Variants in GNRH2 observed in about 807,000 individuals in gnomAD.
GNRH2 encodes progonadoliberin-2.
Under a neutral mutation model 12.1 loss-of-function variants are expected in GNRH2, and 15 were observed. The observed-to-expected ratio is 1.24, with a 90% CI of 0.83 to 1.90. GNRH2 has a LOEUF of 1.90. GNRH2 is among the 40% of genes most tolerant of loss of function. The pLI is 0.00. For missense variants in GNRH2, 143 were observed against 141.4 expected (o/e 1.01, Z -0.06); for synonymous variants, 60 against 62.0 (o/e 0.97, Z 0.15).
In GNRH2 at chr20:3,045,698, G is replaced by A. The variant is rs762613660; in HGVS notation, c.304G>A (p.Glu102Lys). The change falls in exon 4 of 4, where the codon GAG becomes AAG. Residue 102 changes from glutamate (E) to lysine (K), a missense_variant. Coordinates refer to ENST00000359100, the MANE Select transcript of GNRH2 (RefSeq NM_178331.2). ...TCTCCCTCCGCAGACCGCAGCCCGA[G>A]AGCCCCGCCCCGCCCCGCCATCCTC... ...LARTLLTAAR[E>K]PRPAPPSSNK... is the part of the protein sequence containing the mutation. The A allele has an allele frequency of 1.5e-5, 24 of 1,563,228 alleles. No individual in the cohort carries two copies. The highest frequency in any genetic ancestry group is 1.7e-4 in the Middle Eastern group (1 of 5,916).
rs2065964815 is a variant in GNRH2 at position 3,044,457 on chromosome 20, A to T, written c.43A>T (p.Thr15Ser). 1.2e-6 allele frequency: 2 copies of T among 1,613,546 alleles called. No individual in the cohort carries two copies. Among genetic ancestry groups the T allele is most frequent in the Non-Finnish European group, 1.7e-6 (2 of 1,179,742 alleles). The part of the protein sequence containing the change: ...RRGLLLLLLL[T>S]AHLGPSEAQH... ...AGGCCTCCTGCTCCTGCTGCTGCTG[A>T]CTGCCCACCTTGGACCCTCAGAGGC... is the stretch of plus-strand genomic sequence containing the variant. The change falls in exon 2 of 4, where the codon ACT (threonine) becomes TCT (serine). Residue 15 changes from threonine to serine, a missense_variant. By Grantham distance (58) the Thr-to-Ser change is moderately conservative. Coordinates refer to ENST00000359100, the MANE Select transcript of GNRH2 (RefSeq NM_178331.2).
At chr20:3,044,355 G>T in intron 1 of GNRH2, 53 bp from the exon 2 acceptor site, 1 of 1,484,274 alleles carries the variant, frequency 6.7e-7, no homozygotes, top group South Asian at 1.1e-5. Context: ...GGAGGAAGTA[G>T]GGGGATGTGG....
chr20:3,044,441 G>C lies in GNRH2; in HGVS notation c.27G>C (p.Leu9=). 1 of 1,613,628 alleles carries C rather than the reference G, an allele frequency of 6.2e-7. No individual in the cohort carries two copies. The highest frequency in any genetic ancestry group is 8.5e-7 in the Non-Finnish European group (1 of 1,179,808). The change falls in exon 2 of 4, where the codon CTG becomes CTC. Residue 9 remains leucine, a synonymous_variant. Coordinates refer to ENST00000359100, the MANE Select transcript of GNRH2 (RefSeq NM_178331.2). Reference sequence around the variant, plus strand: ...TGGCCAGCTCCAGGCGAGGCCTCCTGCTCCTGCTGCTGCTGACTGCCCACC... The same window carrying C: ...TGGCCAGCTCCAGGCGAGGCCTCCTCCTCCTGCTGCTGCTGACTGCCCACC... MASSRRGL[L]LLLLLTAHLG... is the part of the protein sequence containing the mutation.
chr20:3,044,312 G>T (rs1243991401), intron 1 of GNRH2, 96 bp from the exon 2 acceptor site: 5 of 931,780 alleles, frequency 5.4e-6, no homozygotes, highest in Non-Finnish European at 8.6e-6. Flanking sequence ...TACCAAAGCT[G>T]CCCCTGAGAT....
At position 3,044,269 on chromosome 20, in the gene GNRH2, G is replaced by T. The variant is rs1213938165; in HGVS notation, c.-7-139G>T. On this transcript the variant is annotated intron_variant, in intron 1 of 3. Transcript: ENST00000359100. ...TGGACCCCTGTATGCTTGGGATGAG[G>T]AGCGGTGGCAGAGAGGGAAGGGCAT... The T allele has an allele frequency of 2.7e-5, 18 of 658,724 alleles. No homozygotes were observed. In the East Asian group the frequency reaches 4.4e-4, roughly 16 times the overall value. The allele number at this position is 658,724 out of a possible 1,614,324, so 40.8% of individuals were successfully genotyped here. A position where few individuals can be genotyped will look rare whatever the true frequency, so the allele number is the denominator to read the frequency against.
chr20:3,045,567 T>TG, intron 3 of GNRH2, 119 bp from the exon 4 acceptor site: 1 of 802,956 alleles, frequency 1.2e-6, no homozygotes, highest in Non-Finnish European at 2.1e-6. Context: ...GGGGGCGTCC[T>TG]GCTGTGGGAG....
chr20:3,044,220 G>A (rs2065961489), intron 1 of GNRH2, 188 bp from the exon 2 acceptor site: 2 of 571,136 alleles, frequency 3.5e-6, no homozygotes, highest in South Asian at 2.3e-5. Flanking sequence ...ATCATCCCCT[G>A]CTGGGCCAGG....
chr20:3,044,850 G>A lies in GNRH2; in HGVS notation c.291+14G>A, dbSNP rs777489330. ...CGGACACTGCTGGTGAGTAGGGTGA[G>A]AGGTCCCCAGCATCAAGACCAGCCA... On this transcript the variant is annotated intron_variant, in intron 3 of 3. Transcript: ENST00000359100. 3.8e-6 allele frequency: 6 copies of A among 1,591,072 alleles called. No individual in the cohort carries two copies. In the Admixed American group the frequency reaches 1.0e-4, roughly 27 times the overall value.
At chr20:3,043,699 C>T (rs918491415) in intron 1 of GNRH2, 34 bp downstream of exon 1, 4 of 152,482 alleles carry the variant, frequency 2.6e-5, no homozygotes, top group Non-Finnish European at 5.9e-5. Context: ...GGCTAGGACA[C>T]CTGGACCAAG....
At chr20:3,044,952 C>A in intron 3 of GNRH2, 116 bp downstream of exon 3, 1 of 761,538 alleles carries the variant, frequency 1.3e-6, no homozygotes, top group South Asian at 1.7e-5. Flanking sequence ...TGAGATGCCC[C>A]CTGCCACAGC....
rs1166304425 is a variant in GNRH2, at chr20:3,044,795, T to C, written c.250T>C (p.Trp84Arg). 1 of 1,612,464 alleles carries C rather than the reference T, an allele frequency of 6.2e-7. No homozygotes were observed. Among genetic ancestry groups the C allele is most frequent in the Non-Finnish European group, 8.5e-7 (1 of 1,179,314 alleles). The change falls in exon 3 of 4, where the codon TGG (tryptophan) becomes CGG (arginine). Residue 84 changes from tryptophan (W) to arginine (R), a missense_variant. Physicochemically the swap from Trp to Arg is moderately radical, Grantham distance 101. Coordinates refer to ENST00000359100, the MANE Select transcript of GNRH2 (RefSeq NM_178331.2). ...MPWEGRTTAQ[W>R]SLHRKRHLAR... Reference sequence around the variant, plus strand: ...CTGGGAGGGCAGGACCACGGCCCAGTGGTCCCTTCACAGGAAGCGACACCT... The same window carrying C: ...CTGGGAGGGCAGGACCACGGCCCAGCGGTCCCTTCACAGGAAGCGACACCT...
chr20:3,044,935 ACAC>A, intron 3 of GNRH2, 99 bp downstream of exon 3: 1 of 950,308 alleles, frequency 1.1e-6, no homozygotes. Flanking sequence ...GGAGAATGAA[ACAC>A]CACTGAGATG....
At chr20:3,045,441 G>T (rs901534148) in intron 3 of GNRH2, among the ~76,000 whole-genome samples, 3 of 152,198 alleles carry the variant, frequency 2.0e-5, no homozygotes, top group Non-Finnish European at 4.4e-5. Flanking sequence ...CGCCTGATTT[G>T]TGTGTATGTG....
intron 3 of GNRH2, among the ~76,000 whole-genome samples, chr20:3,045,107 T>TTA (rs1186858708): frequency 6.6e-6 from 1 of 152,178 alleles, no homozygotes; most frequent in African/African-American, 2.4e-5. Context: ...GAGATAATTG[T>TTA]TCTATAAGAC....
At chr20:3,044,189 AGAAG>A in intron 1 of GNRH2, 1 of 534,720 alleles carries the variant, frequency 1.9e-6, no homozygotes, top group Non-Finnish European at 3.4e-6. Context: ...AGGCTCAGGG[AGAAG>A]GCTCGTCCCC....
chr20:3,044,861 C>T (rs1294592675), intron 3 of GNRH2, 25 bp downstream of exon 3: 1 of 1,579,358 alleles, frequency 6.3e-7, no homozygotes, highest in Non-Finnish European at 8.7e-7. Flanking sequence ...AGGTCCCCAG[C>T]ATCAAGACCA....
intron 3 of GNRH2, 71 bp from the exon 4 acceptor site, chr20:3,045,615 C>A: frequency 7.5e-7 from 1 of 1,327,620 alleles, no homozygotes; most frequent in Non-Finnish European, 1.1e-6. Flanking sequence ...GGGGAGAGAA[C>A]CAGGAAGATG....
chr20:3,045,685 G>C lies in GNRH2; in HGVS notation c.292-1G>C. On this transcript the variant is annotated splice_acceptor_variant, in intron 3 of 3. Coordinates refer to ENST00000359100, the MANE Select transcript of GNRH2 (RefSeq NM_178331.2). LOFTEE classifies it high-confidence loss of function. Reference sequence around the variant, plus strand: ...CATGACCGCCACCTCTCCCTCCGCAGACCGCAGCCCGAGAGCCCCGCCCCG... The same window carrying C: ...CATGACCGCCACCTCTCCCTCCGCACACCGCAGCCCGAGAGCCCCGCCCCG... The C allele has an allele frequency of 3.1e-6, 5 of 1,610,634 alleles. No homozygotes were observed. Among genetic ancestry groups the C allele is most frequent in the Non-Finnish European group, 4.2e-6 (5 of 1,177,960 alleles).
chr20:3,045,718 AT>A lies in GNRH2; in HGVS notation c.325del (p.Ser109ProfsTer?). The stretch of plus-strand genomic sequence containing the variant: ...CCCGAGAGCCCCGCCCCGCCCCGCC[AT>A]CCTCCAATAAAGTGTGAGGTTCTCC... ...AAREPRPAPPSSNKV is the reference protein window; with the variant it reads ...AAREPRPAPPXSNKV On this transcript the variant is annotated frameshift_variant, in exon 4 of 4. Transcript: ENST00000359100. LOFTEE classifies it high-confidence loss of function. 2.0e-6 allele frequency: 3 copies of A among 1,534,058 alleles called. No homozygotes were observed. The highest frequency in any genetic ancestry group is 1.1e-5 in the South Asian group (1 of 87,692).
Sources: gnomAD v4.1 joint callset for allele counts (sites outside exome capture counted in the v4.1 genomes callset) on GRCh38, gnomAD v4.1.1 for gene constraint, MANE v1.5 for transcripts, NCBI Gene and HGNC (gene_info 2026-07-23, HGNC 2026-07-21) for gene names.